SPRY3: variants seen among roughly 807,000 people sequenced by gnomAD.
SPRY3 encodes sprouty RTK signaling antagonist 3, also known as protein sprouty homolog 3.
A neutral mutation model predicts 20.2 loss-of-function variants in SPRY3; 15 were observed. The ratio of observed to expected loss-of-function variants is 0.74; its 90% CI spans 0.50 to 1.14. The LOEUF (loss-of-function observed/expected upper bound fraction) is 1.14. SPRY3 is among the 50% of genes most tolerant of loss of function. The probability of loss-of-function intolerance (pLI) is 0.00; values close to 1 mark genes in which losing one functional copy is unlikely to be tolerated. For synonymous variants in SPRY3, 143 were observed against 136.5 expected (o/e 1.05, Z -0.33); for missense variants, 364 against 363.9 (o/e 1.00, Z 0.00).
chrX:155,733,647 C>T (rs28890794), intron 2 of SPRY3, among the ~76,000 whole-genome samples: 6,115 of 152,024 alleles, frequency 0.04, 144 homozygotes, highest in African/African-American at 0.055. Context: ...AGAGAGTCAG[C>T]CTGTCCTTAG....
At position 155,743,098 on chromosome X, in the gene SPRY3, G is replaced by T. The variant is rs2091211033; in HGVS notation, c.-281-24864G>T. On this transcript the variant is annotated intron_variant, in intron 2 of 3. Transcript: ENST00000675360. ...GACCAATAAAGAAGAAAAGAGAGAAGAATCAAATAGACACAATCAGAAATG... is the reference window on the plus strand; with the variant it reads ...GACCAATAAAGAAGAAAAGAGAGAATAATCAAATAGACACAATCAGAAATG... Among the ~76,000 whole-genome samples, 4 of 151,918 alleles carry T rather than the reference G, an allele frequency of 2.6e-5. No homozygotes were observed. The South Asian group carries it at 8.3e-4, about 32-fold the overall frequency.
At chrX:155,724,795 T>C (rs771488996) in intron 2 of SPRY3, among the ~76,000 whole-genome samples, 1 of 152,318 alleles carries the variant, frequency 6.6e-6, no homozygotes, top group South Asian at 2.1e-4. Context: ...CTTTTTCTAA[T>C]TGAATACCAT....
chrX:155,778,507 T>C (rs1283763774), downstream of SPRY3: 1 of 154,028 alleles, frequency 6.5e-6, no homozygotes, highest in Non-Finnish European at 1.5e-5. Context: ...CTTATCTTTA[T>C]TGGCCAGGGA....
At chrX:155,755,474 G>A (rs2124586674) in intron 2 of SPRY3, among the ~76,000 whole-genome samples, 1 of 152,094 alleles carries the variant, frequency 6.6e-6, no homozygotes, top group African/African-American at 2.4e-5. Flanking sequence ...TCTCATTTAT[G>A]CTATATATTT....
At chrX:155,709,860 G>T (rs2090974346) in intron 2 of SPRY3, among the ~76,000 whole-genome samples, 1 of 151,576 alleles carries the variant, frequency 6.6e-6, no homozygotes, top group Non-Finnish European at 1.5e-5. Flanking sequence ...ATGGGTTCTA[G>T]GTTCATTCTT....
chrX:155,709,238 A>T (rs2090970814), intron 2 of SPRY3, among the ~76,000 whole-genome samples: 1 of 151,384 alleles, frequency 6.6e-6, no homozygotes, highest in African/African-American at 2.4e-5. Context: ...TTTTGGAGGA[A>T]CCTCCAAACT....
chrX:155,770,213 G>A (rs892707477), intron 3 of SPRY3, among the ~76,000 whole-genome samples: 10 of 152,084 alleles, frequency 6.6e-5, no homozygotes, highest in Non-Finnish European at 1.3e-4. Flanking sequence ...ATACTGTATC[G>A]GAAAGGATTT....
chrX:155,716,368 T>C (rs1359435523), intron 2 of SPRY3, among the ~76,000 whole-genome samples: 1 of 152,172 alleles, frequency 6.6e-6, no homozygotes, highest in Non-Finnish European at 1.5e-5. Flanking sequence ...TGTTGGATCA[T>C]TGTCATTTAG....
At chrX:155,746,598 C>A (rs2091227832) in intron 2 of SPRY3, among the ~76,000 whole-genome samples, 1 of 151,902 alleles carries the variant, frequency 6.6e-6, no homozygotes, top group Admixed American at 6.6e-5. Flanking sequence ...TATGTCAAGT[C>A]TTAAGATTGT....
At chrX:155,673,882 CCTCT>C (rs782622060) in intron 2 of SPRY3, among the ~76,000 whole-genome samples, 29 of 111,853 alleles carry the variant, frequency 2.6e-4, no homozygotes, top group African/African-American at 8.7e-4. Context: ...AGAACTGCAG[CCTCT>C]CTATTTGTCT....
intron 2 of SPRY3, among the ~76,000 whole-genome samples, chrX:155,762,490 A>G (rs1301871316): frequency 6.6e-6 from 1 of 152,208 alleles, no homozygotes; most frequent in Non-Finnish European, 1.5e-5. Context: ...AGGCAGAAAC[A>G]ATAATACCTG....
chrX:155,737,214 T>A (rs183728581), intron 2 of SPRY3, among the ~76,000 whole-genome samples: 3 of 152,166 alleles, frequency 2.0e-5, no homozygotes, highest in Non-Finnish European at 4.4e-5. Flanking sequence ...ATGCTTACCT[T>A]GTCTCTTCAG....
chrX:155,628,472 T>TA (rs1467807937), intron 1 of SPRY3, among the ~76,000 whole-genome samples: 6 of 111,551 alleles, frequency 5.4e-5, no homozygotes, highest in Non-Finnish European at 1.1e-4. Flanking sequence ...ACAAGGAACT[T>TA]AAACAAATTT....
intron 1 of SPRY3, among the ~76,000 whole-genome samples, chrX:155,634,066 C>T (rs1285011159): frequency 1.9e-5 from 2 of 107,868 alleles, no homozygotes; most frequent in East Asian, 2.9e-4. Context: ...GGCGACAGAG[C>T]GAGACTCCAT....
At chrX:155,631,047 G>C (rs893190121) in intron 1 of SPRY3, among the ~76,000 whole-genome samples, 1 of 110,460 alleles carries the variant, frequency 9.1e-6, no homozygotes, top group Admixed American at 9.7e-5. Context: ...CTATCACTCA[G>C]GTAGTGAGCA....
chrX:155,672,303 G>A (rs697726), intron 2 of SPRY3, among the ~76,000 whole-genome samples: 34,319 of 108,543 alleles, frequency 0.32, 5,733 homozygotes, highest in Non-Finnish European at 0.48. Flanking sequence ...GAAAATTTTC[G>A]CAACCTACTC....
exon 4 of SPRY3, chrX:155,776,055 A>G (rs2091423333): frequency 6.0e-6 from 1 of 167,010 alleles, no homozygotes; most frequent in Non-Finnish European, 1.5e-5. Context: ...CAGTATTCTT[A>G]CCCCTGTACC....
intron 2 of SPRY3, among the ~76,000 whole-genome samples, chrX:155,667,399 G>GT (rs2068027933): frequency 9.0e-6 from 1 of 111,179 alleles, no homozygotes; most frequent in South Asian, 3.8e-4. Context: ...ACTCCAAATG[G>GT]TAAGAGTGAA....
intron 2 of SPRY3, among the ~76,000 whole-genome samples, chrX:155,714,640 T>C (rs2091009062): frequency 6.6e-6 from 1 of 151,756 alleles, no homozygotes; most frequent in African/African-American, 2.4e-5. Flanking sequence ...CACTGGGCCT[T>C]ACCCAAGGCC....
Sources: allele counts gnomAD v4.1 joint callset (sites outside exome capture counted in the v4.1 genomes callset), GRCh38; gene constraint gnomAD v4.1.1; transcripts MANE v1.5; gene names NCBI Gene and HGNC (gene_info 2026-07-23, HGNC 2026-07-21).